Variants in NDUFA11 observed in about 807,000 individuals in gnomAD.
NDUFA11 encodes NADH dehydrogenase [ubiquinone] 1 alpha subcomplex subunit 11.
Under a neutral mutation model 11.3 loss-of-function variants are expected in NDUFA11, and 14 were observed. The observed-to-expected ratio is 1.24, with a 90% CI of 0.82 to 1.94. The LOEUF (loss-of-function observed/expected upper bound fraction) is 1.94, where lower values mean the gene tolerates loss of function less well. Among genes scored for constraint, NDUFA11 ranks in the 30% most tolerant of loss-of-function variants. NDUFA11 has a pLI of 0.00. For synonymous variants in NDUFA11, 87 were observed against 85.6 expected (o/e 1.02, Z -0.09); for missense variants, 204 against 200.3 (o/e 1.02, Z -0.11).
intron 1 of NDUFA11, chr19:5,902,647 T>C (rs960647170): frequency 2.6e-5 from 4 of 152,306 alleles, no homozygotes; most frequent in Non-Finnish European, 5.9e-5. Flanking sequence ...TGGCTGAGAA[T>C]TAAAGGGCAT....
chr19:5,894,587 CCTTAT>C (rs141370552), downstream of NDUFA11: 1,713 of 1,468,972 alleles, frequency 1.2e-3, 21 homozygotes, highest in African/African-American at 0.021. Context: ...GTGCAGGGGG[CCTTAT>C]CTTATCTCCC....
downstream of NDUFA11, chr19:5,892,759 CGAGTGGATGCGATGCCCGT>C (rs1176351939): frequency 6.7e-5 from 67 of 999,260 alleles, 1 homozygote; most frequent in Non-Finnish European, 8.6e-5. Context: ...CCGGTGCCCT[CGAGTGGATGCGATGCCCGT>C]GAGTGGATGG....
downstream of NDUFA11, chr19:5,892,835 GA>G: frequency 7.2e-7 from 1 of 1,385,558 alleles, no homozygotes; most frequent in Non-Finnish European, 9.4e-7. Context: ...GGGCATCTCT[GA>G]GGGGCCCTTA....
chr19:5,896,550 G>T lies in NDUFA11; in HGVS notation c.216C>A (p.Leu72=), dbSNP rs530460544. The T allele has an allele frequency of 1.3e-6, 2 of 1,568,398 alleles. No homozygotes were observed. The highest frequency in any genetic ancestry group is 4.7e-5 in the East Asian group (2 of 42,494). The change falls in exon 3 of 4, where the codon CTC becomes CTA. Residue 72 remains leucine, a synonymous_variant. Transcript: ENST00000308961. This position sits in a 1 kb window ranked among gnomAD's most constrained non-coding sequence, Gnocchi z 5.8. ...GGACATGGGCGCTGATGCAGGTGGT[G>T]AGGCCAAACACGGCCCCGACAGCAG... ...TAAAVGAVFG[L]TTCISAHVRE...
At chr19:5,898,485 G>T (rs187580364) in intron 1 of NDUFA11, among the ~76,000 whole-genome samples, 1 of 152,308 alleles carries the variant, frequency 6.6e-6, no homozygotes, top group East Asian at 1.9e-4. Context: ...TGAGACCCAG[G>T]ATGCAGAGAA....
rs1175758351 is a variant in NDUFA11 at position 5,896,378 on chromosome 19, G to A, written c.313+75C>T. The A allele has an allele frequency of 6.9e-7, 1 of 1,450,944 alleles. No individual in the cohort carries two copies. Among genetic ancestry groups the A allele is most frequent in the Non-Finnish European group, 9.3e-7 (1 of 1,072,258 alleles). The allele number at this position is 1,450,944 out of a possible 1,614,324, so 89.9% of individuals were successfully genotyped here. A position where few individuals can be genotyped will look rare whatever the true frequency, so the allele number is the denominator to read the frequency against. The stretch of plus-strand genomic sequence containing the variant: ...TCTTGTCCGGGATGGAACAGAGAGG[G>A]TGGAGGATGAGCAGAGGTCAGGGGT... On this transcript the variant is annotated intron_variant, in intron 3 of 3. Coordinates refer to ENST00000308961, the MANE Select transcript of NDUFA11 (RefSeq NM_175614.5). This position sits in a 1 kb window ranked among gnomAD's most constrained non-coding sequence, Gnocchi z 5.8.
At chr19:5,900,907 T>A (rs1599696191) in intron 1 of NDUFA11, among the ~76,000 whole-genome samples, 1 of 127,270 alleles carries the variant, frequency 7.9e-6, no homozygotes, top group African/African-American at 3.1e-5. Flanking sequence ...TGAGACTCCG[T>A]CTCAAAAAAA....
chr19:5,901,209 A>AT (rs2057643331), intron 1 of NDUFA11: 1 of 903,500 alleles, frequency 1.1e-6, no homozygotes, highest in Non-Finnish European at 1.4e-6. Context: ...CTCATTTTGT[A>AT]TTCACACATG....
At chr19:5,900,722 G>A (rs1030296473) in intron 1 of NDUFA11, among the ~76,000 whole-genome samples, 2 of 151,964 alleles carry the variant, frequency 1.3e-5, no homozygotes, top group Non-Finnish European at 2.9e-5. Flanking sequence ...GGTTGAGACC[G>A]GCCTGGCCAA....
At chr19:5,898,893 AAAAG>A (rs1444840813) in intron 1 of NDUFA11, among the ~76,000 whole-genome samples, 7 of 151,078 alleles carry the variant, frequency 4.6e-5, no homozygotes, top group Non-Finnish European at 1.0e-4. Context: ...AAAAAAAAAA[AAAAG>A]AAAGAAAGGT....
At chr19:5,903,489 C>T in intron 1 of NDUFA11, 123 bp downstream of exon 1, 2 of 932,858 alleles carry the variant, frequency 2.1e-6, no homozygotes, top group East Asian at 2.6e-5. Flanking sequence ...CCAAGACACC[C>T]CGATGACAAC....
intron 1 of NDUFA11, among the ~76,000 whole-genome samples, chr19:5,899,557 T>C (rs1162345350): frequency 6.7e-6 from 1 of 149,802 alleles, no homozygotes; most frequent in Admixed American, 6.7e-5. Flanking sequence ...TTGGTTCAAT[T>C]TTCCCACCTC....
At chr19:5,901,388 G>A (rs2057644486) in intron 1 of NDUFA11, 1 of 1,287,028 alleles carries the variant, frequency 7.8e-7, no homozygotes, top group Non-Finnish European at 1.0e-6. Flanking sequence ...CAGCCGACCT[G>A]GACTTGCAGC....
chr19:5,902,208 C>G (rs2057650576), intron 1 of NDUFA11, among the ~76,000 whole-genome samples: 1 of 151,776 alleles, frequency 6.6e-6, no homozygotes, highest in Non-Finnish European at 1.5e-5. Context: ...ATCTCCTGAC[C>G]TCATGATCCG....
At chr19:5,897,780 TC>T (rs2144953439) in intron 1 of NDUFA11, among the ~76,000 whole-genome samples, 1 of 152,272 alleles carries the variant, frequency 6.6e-6, no homozygotes, top group East Asian at 1.9e-4. Context: ...GGAGGTTTGA[TC>T]CCAGCCCACC....
At chr19:5,891,253 G>T (rs910801501), downstream of NDUFA11, 1 of 140,168 alleles carries the variant, frequency 7.1e-6, no homozygotes, top group Non-Finnish European at 1.5e-5. Flanking sequence ...GCCCAGGCCA[G>T]CGTTATTTAT....
Position 5,896,737 on chromosome 19 carries a change from C to A in NDUFA11, c.191-162G>T. 1.6e-6 allele frequency: 2 copies of A among 1,213,204 alleles called. No individual in the cohort carries two copies. The highest frequency in any genetic ancestry group is 2.4e-6 in the Non-Finnish European group (2 of 836,336). 75.2% of individuals were successfully genotyped at this position (1,213,204 alleles called of 1,614,324 possible). A position where few individuals can be genotyped will look rare whatever the true frequency, so the allele number is the denominator to read the frequency against. On this transcript the variant is annotated intron_variant, in intron 2 of 3. Coordinates refer to ENST00000308961, the MANE Select transcript of NDUFA11 (RefSeq NM_175614.5). The surrounding 1 kb of genome is among the most constrained non-coding windows in gnomAD (Gnocchi z 5.8). The stretch of plus-strand genomic sequence containing the variant: ...GTCCTGGAGCTGTTCTCCTGGGCCT[C>A]CCCACCCTACATGTATTCCTGATAA...
Position 5,903,620 on chromosome 19 carries a change from C to A in NDUFA11, c.89G>T (p.Ser30Ile). The A allele has an allele frequency of 6.4e-7, 1 of 1,550,896 alleles. No individual in the cohort carries two copies. The highest frequency in any genetic ancestry group is 1.4e-5 in the African/African-American group (1 of 73,172). ...GCCCGGCCGGCGCTCACCAGCGACG[C>A]TGGCAATACTGGTGGTGCTGTAGGC... ...RKAYSTTSIASVAGLTAAAYR... is the reference protein window; with the variant it reads ...RKAYSTTSIAIVAGLTAAAYR... Residue 30 changes from serine (S) to isoleucine (I), a missense_variant, in exon 1 of 4, where the codon AGC (serine) becomes ATC (isoleucine). Transcript: ENST00000308961.
chr19:5,901,184 T>A, intron 1 of NDUFA11: 1 of 713,762 alleles, frequency 1.4e-6, no homozygotes, highest in East Asian at 7.5e-5. Context: ...AAAGGCCTCC[T>A]GAGACCGCAG....
Sources: gnomAD v4.1 joint callset for allele counts (sites outside exome capture counted in the v4.1 genomes callset) on GRCh38, gnomAD v4.1.1 for gene constraint, Gnocchi (gnomAD v3.1) non-coding constraint, MANE v1.5 for transcripts, NCBI Gene and HGNC (gene_info 2026-07-23, HGNC 2026-07-21) for gene names.